The following SH3GL2 variants were observed in gnomAD, a reference collection of about 807,000 sequenced individuals.
SH3GL2 encodes SH3 domain containing GRB2 like 2, endophilin A1.
In SH3GL2, 24 loss-of-function variants were observed where a neutral mutation model predicts 46.0. The ratio of observed to expected loss-of-function variants is 0.52; its 90% CI spans 0.38 to 0.73. The LOEUF (loss-of-function observed/expected upper bound fraction) is 0.73, where lower values mean the gene tolerates loss of function less well. Ranked by LOEUF, SH3GL2 falls within the 30% of genes least tolerant of loss-of-function variation. The pLI is 0.00. For missense variants in SH3GL2, 413 were observed against 424.2 expected, an observed-to-expected ratio of 0.97 and a Z score of 0.23; for synonymous variants, 196 against 147.1, an observed-to-expected ratio of 1.33 and a Z score of -2.40.
chr9:17,603,480 A>G (rs143566863), intron 1 of SH3GL2, among the ~76,000 whole-genome samples: 4 of 152,184 alleles, frequency 2.6e-5, no homozygotes, highest in Non-Finnish European at 5.9e-5. Context: ...GGGGAGGGCA[A>G]CTGGGGAGTT....
intron 2 of SH3GL2, among the ~76,000 whole-genome samples, chr9:17,759,971 CT>C (rs1316050637): frequency 6.6e-6 from 1 of 152,246 alleles, no homozygotes; most frequent in East Asian, 1.9e-4. Context: ...ATCCATTTCC[CT>C]GGCATAAGAC....
At chr9:17,587,352 G>C (rs774928084) in intron 1 of SH3GL2, among the ~76,000 whole-genome samples, 15 of 152,202 alleles carry the variant, frequency 9.9e-5, no homozygotes, top group Non-Finnish European at 1.5e-4. Context: ...CTGCCTGCCA[G>C]TAGAGGAAGT....
At chr9:17,605,958 G>C (rs1818752583) in intron 1 of SH3GL2, among the ~76,000 whole-genome samples, 1 of 152,046 alleles carries the variant, frequency 6.6e-6, no homozygotes, top group South Asian at 2.1e-4. Context: ...GTTATTTTTT[G>C]AACTCTGACA....
intron 1 of SH3GL2, among the ~76,000 whole-genome samples, chr9:17,727,680 C>A (rs370902736): frequency 4.6e-5 from 7 of 152,150 alleles, no homozygotes; most frequent in Non-Finnish European, 1.0e-4. Context: ...CAGTGGATGA[C>A]GATTTCCATA....
At chr9:17,637,165 C>G (rs1480131835) in intron 1 of SH3GL2, among the ~76,000 whole-genome samples, 4 of 152,130 alleles carry the variant, frequency 2.6e-5, no homozygotes, top group Admixed American at 6.6e-5. Flanking sequence ...GACAGGAGCA[C>G]AAACATTTAA....
chr9:17,583,935 A>G (rs1183959435), intron 1 of SH3GL2, among the ~76,000 whole-genome samples: 1 of 152,188 alleles, frequency 6.6e-6, no homozygotes, highest in African/African-American at 2.4e-5. Flanking sequence ...ACTTTATCTC[A>G]GTGAGATTTT....
intron 1 of SH3GL2, among the ~76,000 whole-genome samples, chr9:17,619,576 G>T (rs182626486): frequency 6.6e-6 from 1 of 152,222 alleles, no homozygotes; most frequent in African/African-American, 2.4e-5. Flanking sequence ...TACTCGGGAG[G>T]CTGAGGCAGG....
chr9:17,584,338 T>C (rs1818331933), intron 1 of SH3GL2, among the ~76,000 whole-genome samples: 1 of 152,036 alleles, frequency 6.6e-6, no homozygotes, highest in Admixed American at 6.6e-5. Flanking sequence ...TCGTCTCTAC[T>C]AAAAATACAA....
intron 1 of SH3GL2, among the ~76,000 whole-genome samples, chr9:17,697,595 G>A (rs943666749): frequency 6.6e-6 from 1 of 152,098 alleles, no homozygotes; most frequent in African/African-American, 2.4e-5. Flanking sequence ...ATAACCTGAG[G>A]AATGCAAAGC....
At position 17,666,576 on chromosome 9, in the gene SH3GL2, G is replaced by GTA. The variant is rs566409032; in HGVS notation, c.46-80489_46-80488insAT. ...TGTGTGTGTGTGTGTGTGTGTGTGTGTGTATATACATTAAGTTTGCTTTTT... is the reference window on the plus strand; with the variant it reads ...TGTGTGTGTGTGTGTGTGTGTGTGTGTATGTATATACATTAAGTTTGCTTTTT... On this transcript the variant is annotated intron_variant, in intron 1 of 8. Transcript: ENST00000380607. Among the ~76,000 whole-genome samples, 787 of 100,434 alleles carry GTA rather than the reference G, an allele frequency of 7.8e-3. 3 individuals carry two copies. Among genetic ancestry groups the GTA allele is most frequent in the Middle Eastern group, 0.026 (5 of 192 alleles). 65.9% of individuals were successfully genotyped at this position (100,434 alleles called of 152,430 possible).
intron 3 of SH3GL2, among the ~76,000 whole-genome samples, chr9:17,779,477 G>A (rs1823737837): frequency 1.3e-5 from 2 of 152,056 alleles, no homozygotes; most frequent in Admixed American, 6.6e-5. Flanking sequence ...GCTCTCTGAG[G>A]TTCCATATCC....
intron 1 of SH3GL2, among the ~76,000 whole-genome samples, chr9:17,622,899 G>A (rs9407817): frequency 0.21 from 31,886 of 151,930 alleles, 3,659 homozygotes; most frequent in South Asian, 0.26. Context: ...AACTATGCTT[G>A]CTGTAATATG....
chr9:17,693,771 G>C (rs763973644), intron 1 of SH3GL2, among the ~76,000 whole-genome samples: 1 of 152,168 alleles, frequency 6.6e-6, no homozygotes, highest in African/African-American at 2.4e-5. Flanking sequence ...CGAAATGCCT[G>C]GCAAGGCTTT....
At chr9:17,647,102 G>A (rs1454151328) in intron 1 of SH3GL2, among the ~76,000 whole-genome samples, 1 of 152,208 alleles carries the variant, frequency 6.6e-6, no homozygotes, top group Non-Finnish European at 1.5e-5. Flanking sequence ...GAGGCAGTAT[G>A]GCTACAGTGG....
At chr9:17,650,646 C>G (rs577033785) in intron 1 of SH3GL2, among the ~76,000 whole-genome samples, 204 of 152,322 alleles carry the variant, frequency 1.3e-3, no homozygotes, top group Non-Finnish European at 1.9e-3. Context: ...CGTGAGTCAC[C>G]ACGCTCGGCC....
chr9:17,685,473 T>A (rs1820878247), intron 1 of SH3GL2, among the ~76,000 whole-genome samples: 1 of 152,152 alleles, frequency 6.6e-6, no homozygotes, highest in Non-Finnish European at 1.5e-5. Context: ...ATTGAATAAC[T>A]GGATACTATT....
At chr9:17,628,193 A>T (rs866170626) in intron 1 of SH3GL2, among the ~76,000 whole-genome samples, 45 of 152,146 alleles carry the variant, frequency 3.0e-4, no homozygotes, top group African/African-American at 9.9e-4. Flanking sequence ...AATGAGCCAG[A>T]ATGGATCAGA....
At chr9:17,712,858 C>T in intron 1 of SH3GL2, among the ~76,000 whole-genome samples, 1 of 131,576 alleles carries the variant, frequency 7.6e-6, no homozygotes, top group Non-Finnish European at 1.6e-5. Flanking sequence ...CACCCACCCA[C>T]CCACTCACTC....
chr9:17,688,832 TG>T (rs1423487825), intron 1 of SH3GL2, among the ~76,000 whole-genome samples: 1 of 152,002 alleles, frequency 6.6e-6, no homozygotes. Flanking sequence ...AAGTAAATGA[TG>T]GGATAAATTA....
Sources: gnomAD v4.1 joint callset for allele counts (sites outside exome capture counted in the v4.1 genomes callset) on GRCh38, gnomAD v4.1.1 for gene constraint, MANE v1.5 for transcripts, NCBI Gene and HGNC (gene_info 2026-07-23, HGNC 2026-07-21) for gene names.